MDGA2: variants seen among roughly 807,000 people sequenced by gnomAD.
The protein encoded by MDGA2 is MAM domain containing glycosylphosphatidylinositol anchor 2.
A neutral mutation model predicts 117.8 loss-of-function variants in MDGA2; 40 were observed. The observed-to-expected ratio is 0.34, with a 90% CI of 0.26 to 0.44. The LOEUF (loss-of-function observed/expected upper bound fraction) is 0.44, where lower values mean the gene tolerates loss of function less well. Among genes scored for constraint, MDGA2 ranks in the 20% least tolerant of loss-of-function variants. MDGA2 has a pLI of 1.00. For synonymous variants in MDGA2, 452 were observed against 439.0 expected, an observed-to-expected ratio of 1.03 and a Z score of -0.37; for missense variants, 1,123 against 1,250.6, an observed-to-expected ratio of 0.90 and a Z score of 1.54.
At chr14:47,275,801 T>C (rs1888293901) in intron 2 of MDGA2, among the ~76,000 whole-genome samples, 1 of 152,188 alleles carries the variant, frequency 6.6e-6, no homozygotes, top group Non-Finnish European at 1.5e-5. Flanking sequence ...GATCATCTTA[T>C]CTTACAGGAG....
intron 3 of MDGA2, among the ~76,000 whole-genome samples, chr14:47,170,513 GA>G (rs1356385164): frequency 6.6e-6 from 1 of 152,208 alleles, no homozygotes; most frequent in East Asian, 1.9e-4. Context: ...GTTTCTCAGA[GA>G]TGTTGAGTGA....
At chr14:46,930,080 CTATT>C (rs1022978380) in intron 9 of MDGA2, among the ~76,000 whole-genome samples, 1 of 150,014 alleles carries the variant, frequency 6.7e-6, no homozygotes, top group African/African-American at 2.5e-5. Context: ...CAACTGAAAA[CTATT>C]TATTTCATGA....
At chr14:47,483,831 T>A (rs1291620388) in intron 1 of MDGA2, among the ~76,000 whole-genome samples, 1 of 152,156 alleles carries the variant, frequency 6.6e-6, no homozygotes, top group Non-Finnish European at 1.5e-5. Context: ...CTAAACAGCA[T>A]GATATTATAA....
chr14:47,203,708 G>C (rs1885587964), intron 3 of MDGA2, among the ~76,000 whole-genome samples: 1 of 151,896 alleles, frequency 6.6e-6, no homozygotes, highest in Non-Finnish European at 1.5e-5. Flanking sequence ...GAAACCCTAG[G>C]GGAAGACTTT....
chr14:47,607,902 T>A lies in MDGA2; in HGVS notation c.280+66615A>T, dbSNP rs187378017. Among the ~76,000 whole-genome samples, 655 of 152,250 alleles carry A rather than the reference T, an allele frequency of 4.3e-3. 6 individuals are homozygous for A. The highest frequency in any genetic ancestry group is 8.8e-3 in the Admixed American group (134 of 15,262). ...AGCCCCACAGGAAAAGTGTTCATAA[T>A]ATGATAAAAGCAAGCATTGTGGTAA... On this transcript the variant is annotated intron_variant, in intron 1 of 16. Coordinates refer to ENST00000399232, the MANE Select transcript of MDGA2 (RefSeq NM_001113498.3).
intron 6 of MDGA2, among the ~76,000 whole-genome samples, chr14:47,083,047 C>G (rs536013069): frequency 6.6e-6 from 1 of 151,494 alleles, no homozygotes; most frequent in African/African-American, 2.4e-5. Context: ...TGGAGAAGAA[C>G]AAGGAGGAAA....
chr14:47,163,768 G>C (rs1308482790), intron 3 of MDGA2, among the ~76,000 whole-genome samples: 2 of 152,150 alleles, frequency 1.3e-5, no homozygotes, highest in Non-Finnish European at 2.9e-5. Context: ...ATAATTCATT[G>C]GTGAAGAACT....
intron 10 of MDGA2, among the ~76,000 whole-genome samples, chr14:46,888,144 G>T (rs1452693023): frequency 6.6e-6 from 1 of 151,960 alleles, no homozygotes; most frequent in East Asian, 1.9e-4. Flanking sequence ...AAGCTGTAAT[G>T]AAAGTGTATA....
chr14:46,907,089 G>A (rs1425661595), intron 10 of MDGA2, among the ~76,000 whole-genome samples: 2 of 147,334 alleles, frequency 1.4e-5, no homozygotes, highest in Admixed American at 7.0e-5. Flanking sequence ...CAATTCTCCT[G>A]CCTCAGCCTC....
chr14:47,520,317 T>G (rs1314092150), intron 1 of MDGA2, among the ~76,000 whole-genome samples: 2 of 152,180 alleles, frequency 1.3e-5, no homozygotes, highest in Admixed American at 6.5e-5. Context: ...CTAAATGCAA[T>G]GGATACCTGC....
intron 5 of MDGA2, among the ~76,000 whole-genome samples, chr14:47,113,682 A>G (rs1335308189): frequency 5.9e-5 from 9 of 152,152 alleles, no homozygotes; most frequent in Non-Finnish European, 8.8e-5. Flanking sequence ...CAGACACCAA[A>G]AAGGCCTTTG....
intron 3 of MDGA2, among the ~76,000 whole-genome samples, chr14:47,213,101 A>G (rs1320202704): frequency 2.0e-5 from 3 of 152,120 alleles, no homozygotes; most frequent in Non-Finnish European, 4.4e-5. Flanking sequence ...AAAATAGATA[A>G]AAGTAGTATC....
At chr14:47,585,991 T>A (rs947610381) in intron 1 of MDGA2, among the ~76,000 whole-genome samples, 1 of 151,864 alleles carries the variant, frequency 6.6e-6, no homozygotes, top group Non-Finnish European at 1.5e-5. Context: ...TAACTACAAC[T>A]TGTTCAACCT....
chr14:46,875,447 T>C (rs1252688902), intron 12 of MDGA2, among the ~76,000 whole-genome samples: 3 of 151,762 alleles, frequency 2.0e-5, no homozygotes, highest in Non-Finnish European at 4.4e-5. Context: ...TTCTATATTC[T>C]GGGTAGGTAA....
At chr14:47,195,251 GATTT>G (rs1412774705) in intron 3 of MDGA2, among the ~76,000 whole-genome samples, 1 of 151,858 alleles carries the variant, frequency 6.6e-6, no homozygotes, top group Non-Finnish European at 1.5e-5. Flanking sequence ...ATAGTTTTTA[GATTT>G]ATTTAACTAG....
chr14:47,229,034 T>G (rs189383286), intron 2 of MDGA2, among the ~76,000 whole-genome samples: 3 of 152,158 alleles, frequency 2.0e-5, no homozygotes, highest in African/African-American at 7.2e-5. Flanking sequence ...AGTGAGCCAC[T>G]CTTATCAGCT....
intron 8 of MDGA2, among the ~76,000 whole-genome samples, chr14:46,961,782 A>G (rs1885820040): frequency 1.3e-5 from 2 of 151,932 alleles, no homozygotes; most frequent in African/African-American, 4.8e-5. Flanking sequence ...AGCTGGGACT[A>G]CAGGCACCTG....
At chr14:47,467,974 A>G (rs1054924734) in intron 1 of MDGA2, among the ~76,000 whole-genome samples, 2 of 152,168 alleles carry the variant, frequency 1.3e-5, no homozygotes, top group Non-Finnish European at 2.9e-5. Flanking sequence ...CTGGGTAAGA[A>G]GTTGAAGAAA....
At chr14:46,853,834 AT>A (rs1244141173) in intron 15 of MDGA2, among the ~76,000 whole-genome samples, 1 of 151,816 alleles carries the variant, frequency 6.6e-6, no homozygotes, top group African/African-American at 2.4e-5. Context: ...ACATCTTAAT[AT>A]TAAGGTTACT....
Sources: gnomAD v4.1 joint callset for allele counts (sites outside exome capture counted in the v4.1 genomes callset) on GRCh38, gnomAD v4.1.1 for gene constraint, MANE v1.5 for transcripts, NCBI Gene and HGNC (gene_info 2026-07-23, HGNC 2026-07-21) for gene names.